Variants in RELCH observed in about 807,000 individuals in gnomAD.
RELCH encodes the protein RAB11 binding and LisH domain, coiled-coil and HEAT repeat containing.
A neutral mutation model predicts 150.3 loss-of-function variants in RELCH; 41 were observed. The observed-to-expected ratio is 0.27, with a 90% CI of 0.21 to 0.35. The LOEUF is 0.35. RELCH is among the 10% of genes least tolerant of loss of function. The pLI is 1.00. For synonymous variants in RELCH, 478 were observed against 531.8 expected, an observed-to-expected ratio of 0.90 and a Z score of 1.39; for missense variants, 1,092 against 1,467.8, an observed-to-expected ratio of 0.74 and a Z score of 4.18.
chr18:62,221,442 T>G lies in RELCH; in HGVS notation c.803T>G (p.Leu268Trp). ...ALNFLVNEFL[L>W]KNNYKLTSIT... ...AACTTCTTAGTCAATGAATTTTTATTGAAGAATAACTATAAGCTTACATCA... is the reference window on the plus strand; with the variant it reads ...AACTTCTTAGTCAATGAATTTTTATGGAAGAATAACTATAAGCTTACATCA... The change falls in exon 5 of 29, where the codon TTG (leucine) becomes TGG (tryptophan). Residue 268 changes from leucine to tryptophan, a missense_variant. This residue lies in a region of RELCH where 190 missense variants were observed against 276.2 expected (regional missense o/e 0.69). Coordinates refer to ENST00000644646, the MANE Select transcript of RELCH (RefSeq NM_001346231.2). The G allele has an allele frequency of 6.3e-7, 1 of 1,594,592 alleles. No individual in the cohort carries two copies. The highest frequency in any genetic ancestry group is 8.6e-7 in the Non-Finnish European group (1 of 1,167,956).
chr18:62,221,530 T>C, intron 5 of RELCH, 33 bp downstream of exon 5: 1 of 991,948 alleles, frequency 1.0e-6, no homozygotes, highest in Non-Finnish European at 1.5e-6. Flanking sequence ...CAGTGATTTT[T>C]TTCTACACTT....
chr18:62,236,968 A>G (rs1428575752), intron 10 of RELCH, among the ~76,000 whole-genome samples: 1 of 151,540 alleles, frequency 6.6e-6, no homozygotes, highest in Non-Finnish European at 1.5e-5. Context: ...CTTTTGCTGT[A>G]TCTCATTAGT....
chr18:62,234,579 C>A (rs1231473512), intron 10 of RELCH, among the ~76,000 whole-genome samples: 2 of 151,616 alleles, frequency 1.3e-5, no homozygotes, highest in Non-Finnish European at 2.9e-5. Flanking sequence ...TTAGTAATAT[C>A]TTAGCTGATT....
Position 62,199,920 on chromosome 18 carries a change from A to T in RELCH, c.527-11233A>T, listed in dbSNP as rs985432066. 3.9e-5 allele frequency among the ~76,000 whole-genome samples: 6 copies of T among 152,218 alleles called. No individual in the cohort carries two copies. In the East Asian group the frequency reaches 1.2e-3, roughly 29 times the overall value. ...TTGTTATGAAAGGTTATCTGTGTAA[A>T]GTATGTGGCATAAAATAAGTGGTCA... On this transcript the variant is annotated intron_variant, in intron 1 of 28. Transcript: ENST00000644646.
intron 17 of RELCH, 39 bp from the exon 18 acceptor site, chr18:62,264,690 A>G: frequency 6.8e-7 from 1 of 1,470,542 alleles, no homozygotes; most frequent in South Asian, 1.2e-5. Context: ...AGTAATTTAT[A>G]TGTATCCCCT....
At chr18:62,248,274 C>T (rs368335269) in intron 11 of RELCH, among the ~76,000 whole-genome samples, 1 of 152,134 alleles carries the variant, frequency 6.6e-6, no homozygotes, top group South Asian at 2.1e-4. Context: ...ATGAACTTAG[C>T]AACACATTTT....
At chr18:62,265,762 T>C (rs377570367) in intron 18 of RELCH, among the ~76,000 whole-genome samples, 3 of 152,128 alleles carry the variant, frequency 2.0e-5, no homozygotes, top group East Asian at 3.9e-4. Flanking sequence ...ATGTGTGAAA[T>C]GAAGAATTTG....
intron 1 of RELCH, among the ~76,000 whole-genome samples, chr18:62,195,314 A>G (rs12326680): frequency 0.31 from 44,530 of 145,414 alleles, 6,788 homozygotes; most frequent in African/African-American, 0.42. Flanking sequence ...GTGTGTGTGT[A>G]TACACTGTAT....
intron 26 of RELCH, among the ~76,000 whole-genome samples, chr18:62,289,793 A>G (rs1481726985): frequency 6.6e-6 from 1 of 152,348 alleles, no homozygotes; most frequent in African/African-American, 2.4e-5. Flanking sequence ...AATCCTTGAG[A>G]AAGATTGATC....
intron 1 of RELCH, among the ~76,000 whole-genome samples, chr18:62,203,566 G>T (rs1448107365): frequency 1.3e-5 from 2 of 152,124 alleles, no homozygotes; most frequent in African/African-American, 4.8e-5. Flanking sequence ...ACTGAACATT[G>T]ACAAATGCTG....
At chr18:62,230,806 T>C (rs190940770) in intron 8 of RELCH, among the ~76,000 whole-genome samples, 1 of 152,204 alleles carries the variant, frequency 6.6e-6, no homozygotes, top group Non-Finnish European at 1.5e-5. Flanking sequence ...GGTCAACCTT[T>C]ATCCACTTTA....
chr18:62,238,435 A>G (rs2041981520), intron 10 of RELCH, among the ~76,000 whole-genome samples: 1 of 152,084 alleles, frequency 6.6e-6, no homozygotes, highest in Non-Finnish European at 1.5e-5. Flanking sequence ...AAATGTATAT[A>G]GTAAATAAGC....
intron 5 of RELCH, among the ~76,000 whole-genome samples, chr18:62,224,479 C>T (rs868448051): frequency 6.6e-6 from 1 of 152,074 alleles, no homozygotes; most frequent in South Asian, 2.1e-4. Context: ...GAAGAAATAA[C>T]AGTCCTTATT....
At chr18:62,265,188 A>G (rs1016869868) in intron 18 of RELCH, among the ~76,000 whole-genome samples, 10 of 152,086 alleles carry the variant, frequency 6.6e-5, no homozygotes, top group African/African-American at 2.2e-4. Flanking sequence ...CTTACTGTCT[A>G]TCACAGGTTC....
intron 1 of RELCH, among the ~76,000 whole-genome samples, chr18:62,209,754 G>A (rs568606136): frequency 6.6e-6 from 1 of 152,036 alleles, no homozygotes; most frequent in East Asian, 1.9e-4. Context: ...GTAAGCCTGA[G>A]CTGTCTTTCT....
chr18:62,260,420 A>T (rs1253222393), intron 15 of RELCH, among the ~76,000 whole-genome samples: 1 of 151,454 alleles, frequency 6.6e-6, no homozygotes, highest in African/African-American at 2.4e-5. Flanking sequence ...AGAAAGGGGA[A>T]CCTTCGTACA....
chr18:62,219,325 C>A (rs140127218), intron 2 of RELCH, among the ~76,000 whole-genome samples: 1 of 112,878 alleles, frequency 8.9e-6, no homozygotes, highest in Non-Finnish European at 1.8e-5. Flanking sequence ...TTCTTTTTTT[C>A]TTTTTTTTTT....
intron 1 of RELCH, among the ~76,000 whole-genome samples, chr18:62,192,090 G>C (rs2038686740): frequency 6.6e-6 from 1 of 152,152 alleles, no homozygotes; most frequent in South Asian, 2.1e-4. Context: ...TCACCATTCT[G>C]ACTGGCCTAA....
intron 10 of RELCH, among the ~76,000 whole-genome samples, chr18:62,236,710 T>C (rs1190827984): frequency 1.3e-5 from 2 of 151,928 alleles, no homozygotes; most frequent in Non-Finnish European, 2.9e-5. Flanking sequence ...TCTCTCTTTT[T>C]CAGTCAGTCT....
Sources: allele counts gnomAD v4.1 joint callset (sites outside exome capture counted in the v4.1 genomes callset), GRCh38; gene constraint gnomAD v4.1.1; regional missense constraint gnomAD v4.1.1; transcripts MANE v1.5; gene names NCBI Gene and HGNC (gene_info 2026-07-23, HGNC 2026-07-21).